Variants in UBAP2 observed in about 807,000 individuals in gnomAD.
UBAP2 encodes the protein ubiquitin-associated protein 2.
A neutral mutation model predicts 139.6 loss-of-function variants in UBAP2; 75 were observed. That is an observed-to-expected ratio of 0.54 (90% CI 0.45 to 0.65). The LOEUF (loss-of-function observed/expected upper bound fraction) is 0.65. UBAP2 is among the 30% of genes least tolerant of loss of function. UBAP2 has a pLI of 0.00. For missense variants in UBAP2, 1,368 were observed against 1,369.6 expected, an observed-to-expected ratio of 1.00 and a Z score of 0.02; for synonymous variants, 526 against 526.2, an observed-to-expected ratio of 1.00 and a Z score of 0.01.
chr9:33,974,940 G>A (rs1306680435), intron 6 of UBAP2, among the ~76,000 whole-genome samples: 4 of 88,984 alleles, frequency 4.5e-5, no homozygotes, highest in Non-Finnish European at 7.3e-5. Context: ...TAAAAAAAAA[G>A]GGGGGGGTGC....
chr9:33,924,292 A>C lies in UBAP2; in HGVS notation c.2512-8T>G. ...GGGAATTCCATAGTAGTCCTAGGAG[A>C]GACCAGGGAGGCTTGATCAGCGACT... is the stretch of plus-strand genomic sequence containing the variant. On this transcript the variant is annotated splice_region_variant and splice_polypyrimidine_tract_variant and intron_variant, in intron 22 of 28. Transcript: ENST00000379238. 6.2e-7 allele frequency: 1 copy of C among 1,610,456 alleles called. No homozygotes were observed. The highest frequency in any genetic ancestry group is 8.5e-7 in the Non-Finnish European group (1 of 1,177,000).
At chr9:33,962,122 A>G (rs1827092780) in intron 9 of UBAP2, among the ~76,000 whole-genome samples, 2 of 152,250 alleles carry the variant, frequency 1.3e-5, no homozygotes, top group Non-Finnish European at 2.9e-5. Context: ...ACATACACAC[A>G]CAGGGATATA....
At chr9:33,930,803 G>A (rs1440786519) in intron 19 of UBAP2, among the ~76,000 whole-genome samples, 1 of 150,428 alleles carries the variant, frequency 6.6e-6, no homozygotes, top group African/African-American at 2.5e-5. Context: ...GACTGAGGCA[G>A]GAGGATCGCT....
intron 1 of UBAP2, among the ~76,000 whole-genome samples, chr9:34,020,150 TAAAA>T (rs1174976366): frequency 1.3e-4 from 17 of 127,074 alleles, no homozygotes; most frequent in Non-Finnish European, 2.2e-4. Context: ...ACTCCATTAT[TAAAA>T]AAAAAAAAAA....
At chr9:34,013,855 C>T (rs763296853) in intron 2 of UBAP2, among the ~76,000 whole-genome samples, 2 of 150,554 alleles carry the variant, frequency 1.3e-5, no homozygotes, top group South Asian at 2.1e-4. Context: ...CCAGCCTGGG[C>T]GACAGAGCGA....
chr9:33,996,241 C>CAA lies in UBAP2; in HGVS notation c.269_270insTT (p.Glu91TrpfsTer13). The CAA allele has an allele frequency of 6.2e-7, 1 of 1,611,426 alleles. No individual in the cohort carries two copies. The highest frequency in any genetic ancestry group is 8.5e-7 in the Non-Finnish European group (1 of 1,178,320). ...TACTTACTGTGTCTGAATTCCCTTC[C>CAA]AGCAATATATTGATAGCTTTGTTCA... On this transcript the variant is annotated frameshift_variant, in exon 4 of 29. Transcript: ENST00000379238. LOFTEE classifies it high-confidence loss of function.
chr9:33,981,209 TATATATATATATTCTGG>T (rs1820711962), intron 6 of UBAP2, among the ~76,000 whole-genome samples: 4 of 86,542 alleles, frequency 4.6e-5, no homozygotes, highest in Non-Finnish European at 6.4e-5. Flanking sequence ...ATTCTGGATA[TATATATATATATTCTGG>T]ATATATATAT....
intron 2 of UBAP2, among the ~76,000 whole-genome samples, chr9:34,004,233 A>G (rs867230370): frequency 1.8e-4 from 27 of 152,248 alleles, no homozygotes; most frequent in Admixed American, 4.6e-4. Flanking sequence ...AAAAGCTTTT[A>G]AAACTTTTTA....
In UBAP2 at chr9:34,007,615, C is replaced by T. The variant is rs115346846; in HGVS notation, c.100-8751G>A. Among the ~76,000 whole-genome samples, 139 of 150,966 alleles carry T rather than the reference C, an allele frequency of 9.2e-4. 1 individual carries two copies. The highest frequency in any genetic ancestry group is 3.2e-3 in the African/African-American group (131 of 41,276). On this transcript the variant is annotated intron_variant, in intron 2 of 28. Transcript: ENST00000379238. The stretch of plus-strand genomic sequence containing the variant: ...ATTTTTCAGCGTTTATTGAAATGAT[C>T]ATATGTTTTTTGTCCTTGTATGTTT...
chr9:34,044,803 T>C (rs1221692451), intron 1 of UBAP2, among the ~76,000 whole-genome samples: 8 of 151,394 alleles, frequency 5.3e-5, no homozygotes, highest in Non-Finnish European at 1.2e-4. Flanking sequence ...TGGGCAGAGG[T>C]TGCAGTGGGC....
At chr9:34,012,528 CA>C (rs11399740) in intron 2 of UBAP2, among the ~76,000 whole-genome samples, 17 of 144,202 alleles carry the variant, frequency 1.2e-4, no homozygotes, top group African/African-American at 7.7e-5. Context: ...AAAACTGTCT[CA>C]AAAAAAAAAA....
At chr9:34,009,425 T>G (rs1272311998) in intron 2 of UBAP2, among the ~76,000 whole-genome samples, 1 of 152,060 alleles carries the variant, frequency 6.6e-6, no homozygotes, top group East Asian at 1.9e-4. Flanking sequence ...TATAAATTTT[T>G]TAAAAAATAT....
At chr9:33,987,412 AG>A (rs1472935159) in intron 5 of UBAP2, among the ~76,000 whole-genome samples, 2 of 152,108 alleles carry the variant, frequency 1.3e-5, no homozygotes, top group East Asian at 3.9e-4. Flanking sequence ...ACTCTGTCTC[AG>A]AAAAAATACA....
At chr9:33,986,042 TG>T (rs1821178680) in intron 6 of UBAP2, among the ~76,000 whole-genome samples, 1 of 151,964 alleles carries the variant, frequency 6.6e-6, no homozygotes, top group African/African-American at 2.4e-5. Flanking sequence ...GGATAATTTT[TG>T]TATTTTTTTG....
At chr9:33,973,303 T>C in intron 6 of UBAP2, 66 bp from the exon 7 acceptor site, 1 of 1,514,484 alleles carries the variant, frequency 6.6e-7, no homozygotes, top group Non-Finnish European at 9.2e-7. Flanking sequence ...CACTTCCTTC[T>C]TCATCCTATA....
At position 34,005,123 on chromosome 9, in the gene UBAP2, C is replaced by T. The variant is rs1408040440; in HGVS notation, c.100-6259G>A. On this transcript the variant is annotated intron_variant, in intron 2 of 28. Transcript: ENST00000379238. ...ACTAAAAATACAAAAATTAGCAGTG[C>T]GTGGTGGCACGAGCCTGAAATCCCA... 2.6e-5 allele frequency among the ~76,000 whole-genome samples: 4 copies of T among 151,982 alleles called. No individual in the cohort carries two copies. In the South Asian group the frequency reaches 6.3e-4, roughly 24 times the overall value.
At chr9:34,031,319 C>A (rs1046752625) in intron 1 of UBAP2, among the ~76,000 whole-genome samples, 24 of 151,424 alleles carry the variant, frequency 1.6e-4, no homozygotes, top group African/African-American at 5.6e-4. Flanking sequence ...CATGGCAAAA[C>A]CCCGTCTCTA....
intron 6 of UBAP2, among the ~76,000 whole-genome samples, chr9:33,980,627 C>T (rs1820580739): frequency 6.6e-6 from 1 of 151,996 alleles, no homozygotes; most frequent in Non-Finnish European, 1.5e-5. Context: ...ATATTGATAT[C>T]TTTTTCTGCA....
At chr9:33,950,067 CTTTTCTT>C (rs1490477247) in intron 12 of UBAP2, among the ~76,000 whole-genome samples, 3 of 99,314 alleles carry the variant, frequency 3.0e-5, no homozygotes, top group African/African-American at 8.2e-5. Flanking sequence ...CATTTCTTTT[CTTTTCTT>C]TTTTCTTTTT....
Sources: allele counts gnomAD v4.1 joint callset (sites outside exome capture counted in the v4.1 genomes callset), GRCh38; gene constraint gnomAD v4.1.1; transcripts MANE v1.5; gene names NCBI Gene and HGNC (gene_info 2026-07-23, HGNC 2026-07-21).